The following COX7B2 variants were observed in gnomAD, a reference collection of about 807,000 sequenced individuals.
The protein encoded by COX7B2 is cytochrome c oxidase subunit 7B2, also known as cytochrome c oxidase subunit 7B2, mitochondrial.
For missense variants in COX7B2, 109 were observed against 95.9 expected (o/e 1.14, Z -0.57); for synonymous variants, 37 against 32.1 (o/e 1.15, Z -0.51).
rs370123764 is a variant in COX7B2, at chr4:46,791,991, A to G, written c.-50+52969T>C. On this transcript the variant is annotated intron_variant, in intron 2 of 2. Transcript: ENST00000355591. ...AGGTAAAATCAGTGCAGAGCCAAAG[A>G]GGATCTTAAAGCCTCTAAATATTTC... Among the ~76,000 whole-genome samples the G allele has an allele frequency of 1.4e-4, 21 of 152,198 alleles. 1 individual carries two copies. Among genetic ancestry groups the G allele is most frequent in the African/African-American group, 5.1e-4 (21 of 41,446 alleles).
intron 2 of COX7B2, among the ~76,000 whole-genome samples, chr4:46,797,479 C>G (rs1718425730): frequency 6.6e-6 from 1 of 152,194 alleles, no homozygotes; most frequent in Admixed American, 6.5e-5. Context: ...AACGGATATG[C>G]TCAGCAGCAG....
intron 2 of COX7B2, among the ~76,000 whole-genome samples, chr4:46,839,647 G>A (rs112600036): frequency 2.6e-5 from 4 of 152,130 alleles, no homozygotes; most frequent in African/African-American, 7.2e-5. Context: ...TGATCAAAAT[G>A]CAAATGATAT....
chr4:46,813,845 GA>G lies in COX7B2; in HGVS notation c.-50+31114del, dbSNP rs1031723972. Among the ~76,000 whole-genome samples the G allele has an allele frequency of 7.3e-5, 11 of 151,486 alleles. No individual in the cohort carries two copies. The East Asian group carries it at 9.7e-4, about 13-fold the overall frequency. ...TAAAAGAAACACAAACAACTTAACA[GA>G]AAAAAAACTAATAATCTGATTTTAA... On this transcript the variant is annotated intron_variant, in intron 2 of 2. Transcript: ENST00000355591.
intron 2 of COX7B2, among the ~76,000 whole-genome samples, chr4:46,736,248 G>C (rs572485896): frequency 6.6e-6 from 1 of 152,328 alleles, no homozygotes; most frequent in South Asian, 2.1e-4. Context: ...GAGACACCAA[G>C]TATTGCCAAG....
chr4:46,870,523 C>T (rs1354225941), intron 1 of COX7B2, among the ~76,000 whole-genome samples: 4 of 152,014 alleles, frequency 2.6e-5, no homozygotes, highest in South Asian at 2.1e-4. Flanking sequence ...CATCCAAATA[C>T]GAAGAGAGGA....
At chr4:46,805,528 A>G (rs1718952749) in intron 2 of COX7B2, among the ~76,000 whole-genome samples, 1 of 152,166 alleles carries the variant, frequency 6.6e-6, no homozygotes, top group Non-Finnish European at 1.5e-5. Flanking sequence ...TTCCCTTTTC[A>G]CAGATGGTAA....
intron 2 of COX7B2, among the ~76,000 whole-genome samples, chr4:46,838,485 T>C (rs1171202272): frequency 1.3e-5 from 2 of 152,036 alleles, no homozygotes; most frequent in African/African-American, 4.8e-5. Flanking sequence ...TTAAGGAAGG[T>C]TGGACTTGTG....
intron 1 of COX7B2, among the ~76,000 whole-genome samples, chr4:46,854,871 C>G (rs1481646074): frequency 6.6e-6 from 1 of 151,972 alleles, no homozygotes; most frequent in African/African-American, 2.4e-5. Flanking sequence ...GCTATTGTAA[C>G]ATTTTAATGG....
intron 2 of COX7B2, among the ~76,000 whole-genome samples, chr4:46,823,463 C>T (rs951682323): frequency 2.6e-5 from 4 of 151,272 alleles, no homozygotes; most frequent in African/African-American, 4.8e-5. Flanking sequence ...AACAGAAAGA[C>T]ATCTGAAAAA....
chr4:46,763,324 G>T (rs1439618605), intron 2 of COX7B2, among the ~76,000 whole-genome samples: 1 of 148,676 alleles, frequency 6.7e-6, no homozygotes, highest in Non-Finnish European at 1.5e-5. Flanking sequence ...TAGAGGGATA[G>T]CTATTGCTTC....
At chr4:46,894,737 C>T (rs1719647545) in intron 1 of COX7B2, among the ~76,000 whole-genome samples, 1 of 152,120 alleles carries the variant, frequency 6.6e-6, no homozygotes, top group Admixed American at 6.5e-5. Context: ...GCAAACTACG[C>T]ATCTGACAAA....
At chr4:46,792,055 C>G (rs1718078447) in intron 2 of COX7B2, among the ~76,000 whole-genome samples, 1 of 152,114 alleles carries the variant, frequency 6.6e-6, no homozygotes, top group African/African-American at 2.4e-5. Context: ...CTGATTAACT[C>G]CCAGAAGTAG....
At chr4:46,786,938 G>A (rs986759749) in intron 2 of COX7B2, among the ~76,000 whole-genome samples, 2 of 152,124 alleles carry the variant, frequency 1.3e-5, no homozygotes, top group Non-Finnish European at 2.9e-5. Context: ...ATAAAAGAGA[G>A]AGTTCCTGGA....
intron 2 of COX7B2, among the ~76,000 whole-genome samples, chr4:46,748,052 G>A (rs2109420688): frequency 6.6e-6 from 1 of 151,872 alleles, no homozygotes; most frequent in Admixed American, 6.6e-5. Context: ...TCATGATGTT[G>A]CATCAACACC....
chr4:46,760,655 T>G (rs1716094143), intron 2 of COX7B2, among the ~76,000 whole-genome samples: 1 of 152,148 alleles, frequency 6.6e-6, no homozygotes, highest in Non-Finnish European at 1.5e-5. Flanking sequence ...TGTGTATACC[T>G]ACGTAACAAA....
At chr4:46,841,579 C>T (rs566577797) in intron 2 of COX7B2, among the ~76,000 whole-genome samples, 2 of 151,654 alleles carry the variant, frequency 1.3e-5, no homozygotes, top group Admixed American at 1.3e-4. Context: ...TACATCTGAC[C>T]CAAGCAGGTC....
chr4:46,866,748 G>A (rs1216672774), intron 1 of COX7B2, among the ~76,000 whole-genome samples: 1 of 152,026 alleles, frequency 6.6e-6, no homozygotes, highest in Non-Finnish European at 1.5e-5. Flanking sequence ...TTTGGCAAAT[G>A]TAATCCTTTG....
chr4:46,767,373 A>T (rs1716603310), intron 2 of COX7B2, among the ~76,000 whole-genome samples: 1 of 152,244 alleles, frequency 6.6e-6, no homozygotes, highest in Admixed American at 6.5e-5. Context: ...GCAAAAATTT[A>T]CACAACTGAA....
At chr4:46,781,938 C>G (rs574171882) in intron 2 of COX7B2, among the ~76,000 whole-genome samples, 3 of 152,202 alleles carry the variant, frequency 2.0e-5, no homozygotes, top group Non-Finnish European at 2.9e-5. Context: ...TCAAGCACCC[C>G]CCATCCCGCC....
Sources: gnomAD v4.1 joint callset for allele counts (sites outside exome capture counted in the v4.1 genomes callset) on GRCh38, gnomAD v4.1.1 for gene constraint, MANE v1.5 for transcripts, NCBI Gene and HGNC (gene_info 2026-07-23, HGNC 2026-07-21) for gene names.